The following TRIO variants were observed in gnomAD, a reference collection of about 807,000 sequenced individuals.
TRIO encodes the protein trio Rho guanine nucleotide exchange factor, also known as triple functional domain protein.
A neutral mutation model predicts 351.9 loss-of-function variants in TRIO; 58 were observed. The ratio of observed to expected loss-of-function variants is 0.16; its 90% confidence interval spans 0.13 to 0.21. The LOEUF (loss-of-function observed/expected upper bound fraction) is 0.21, where lower values mean the gene tolerates loss of function less well. TRIO is among the 10% of genes least tolerant of loss of function. TRIO has a pLI of 1.00. For missense variants in TRIO, 3,201 were observed against 4,027.8 expected (o/e 0.79, Z 5.56); for synonymous variants, 1,758 against 1,595.7 (o/e 1.10, Z -2.42).
chr5:14,153,681 C>G (rs1458321534), intron 1 of TRIO, among the ~76,000 whole-genome samples: 1 of 152,118 alleles, frequency 6.6e-6, no homozygotes, highest in Non-Finnish European at 1.5e-5. Context: ...CCTGCTTGCC[C>G]CATTTGACTC....
At chr5:14,288,488 G>A (rs1736631011) in intron 4 of TRIO, among the ~76,000 whole-genome samples, 1 of 152,096 alleles carries the variant, frequency 6.6e-6, no homozygotes, top group Non-Finnish European at 1.5e-5. Context: ...CTAACACGGT[G>A]AAACCCCATC....
intron 6 of TRIO, among the ~76,000 whole-genome samples, chr5:14,294,392 C>T (rs1040017082): frequency 5.3e-5 from 8 of 152,090 alleles, no homozygotes; most frequent in Non-Finnish European, 1.0e-4. Flanking sequence ...ATTTCTGGTT[C>T]GAATCGTCAA....
At chr5:14,425,113 C>T (rs974461865) in intron 34 of TRIO, among the ~76,000 whole-genome samples, 1 of 152,214 alleles carries the variant, frequency 6.6e-6, no homozygotes, top group Non-Finnish European at 1.5e-5. Flanking sequence ...GTCTACAGAT[C>T]AGTGGCATTA....
intron 9 of TRIO, among the ~76,000 whole-genome samples, chr5:14,317,750 G>A (rs1226680700): frequency 6.6e-6 from 1 of 152,018 alleles, no homozygotes; most frequent in African/African-American, 2.4e-5. Flanking sequence ...CCAGCACTTT[G>A]GGAGGCTGAG....
chr5:14,366,775 C>A, intron 15 of TRIO, 85 bp from the exon 16 acceptor site: 1 of 1,588,118 alleles, frequency 6.3e-7, no homozygotes, highest in South Asian at 1.2e-5. Context: ...ACTGGACTAT[C>A]TTGCACGCTT....
intron 1 of TRIO, among the ~76,000 whole-genome samples, chr5:14,182,246 C>G (rs891564898): frequency 3.9e-5 from 6 of 152,188 alleles, no homozygotes; most frequent in African/African-American, 1.4e-4. Context: ...CTGTGAGGCT[C>G]AGGGAGAGAG....
Position 14,369,477 on chromosome 5 carries a change from C to A in TRIO, c.3170C>A (p.Thr1057Lys). 5 of 1,614,070 alleles carry A rather than the reference C, an allele frequency of 3.1e-6. No individual in the cohort carries two copies. The highest frequency in any genetic ancestry group is 4.2e-6 in the Non-Finnish European group (5 of 1,180,012). ...CCAAACTCTGAGACGGACCACGTGACGCCCATGATCAGCAAGCACCTGGAG... is the reference window on the plus strand; with the variant it reads ...CCAAACTCTGAGACGGACCACGTGAAGCCCATGATCAGCAAGCACCTGGAG... ...LGPNSETDHV[T>K]PMISKHLEQK... Residue 1057 changes from threonine to lysine, a missense_variant, in exon 18 of 57, where the codon ACG (threonine) becomes AAG (lysine). Around this residue, in one of 19 missense-constraint regions of TRIO, gnomAD observed 363 missense variants for 553.5 expected, o/e 0.66. Transcript: ENST00000344204.
chr5:14,499,557 A>G (rs760822651), intron 53 of TRIO, among the ~76,000 whole-genome samples: 5 of 152,246 alleles, frequency 3.3e-5, no homozygotes, highest in Admixed American at 6.5e-5. Flanking sequence ...TTTGTCCCAG[A>G]TATCTTAATT....
chr5:14,225,139 C>G, intron 1 of TRIO, among the ~76,000 whole-genome samples: 1 of 152,036 alleles, frequency 6.6e-6, no homozygotes, highest in Non-Finnish European at 1.5e-5. Context: ...CGTAGAGAAT[C>G]AGTGTAGAGT....
At position 14,156,372 on chromosome 5, in the gene TRIO, C is replaced by T. The variant is rs188100673; in HGVS notation, c.157+12490C>T. 6.8e-3 allele frequency among the ~76,000 whole-genome samples: 1,034 copies of T among 152,244 alleles called. 6 individuals are homozygous for T. The highest frequency in any genetic ancestry group is 0.012 in the Non-Finnish European group (788 of 68,000). On this transcript the variant is annotated intron_variant, in intron 1 of 56. Coordinates refer to ENST00000344204, the MANE Select transcript of TRIO (RefSeq NM_007118.4). ...GCGTGCTCATTGCTACAGAGTTGTC[C>T]TTGCTTTTAGGGCCTCTCAGTAGAC...
chr5:14,184,848 C>T (rs571231944), intron 1 of TRIO, among the ~76,000 whole-genome samples: 25 of 152,232 alleles, frequency 1.6e-4, no homozygotes, highest in South Asian at 2.1e-4. Flanking sequence ...TCCCTCCTGG[C>T]GTCTGTACTC....
intron 34 of TRIO, among the ~76,000 whole-genome samples, chr5:14,451,330 C>CAA: frequency 7.1e-6 from 1 of 141,488 alleles, no homozygotes; most frequent in African/African-American, 2.6e-5. Flanking sequence ...TTTCTTTATT[C>CAA]AAAAAAAAAA....
intron 15 of TRIO, among the ~76,000 whole-genome samples, 187 bp from the exon 16 acceptor site, chr5:14,366,673 G>A (rs1744622525): frequency 6.6e-6 from 1 of 152,286 alleles, no homozygotes; most frequent in South Asian, 2.1e-4. Flanking sequence ...AAAAGATGCA[G>A]CACTTGCAGT....
intron 33 of TRIO, among the ~76,000 whole-genome samples, chr5:14,409,017 G>A (rs1437855090): frequency 6.6e-6 from 1 of 152,116 alleles, no homozygotes; most frequent in Non-Finnish European, 1.5e-5. Context: ...ATGGGTGCCT[G>A]GGAGTCTGGA....
chr5:14,339,934 G>A (rs1177985380), intron 11 of TRIO, among the ~76,000 whole-genome samples: 3 of 152,154 alleles, frequency 2.0e-5, no homozygotes, highest in Non-Finnish European at 4.4e-5. Context: ...AAAGCTAGAT[G>A]GGCCTAGAAG....
intron 1 of TRIO, among the ~76,000 whole-genome samples, chr5:14,161,235 C>T (rs956320101): frequency 2.0e-5 from 3 of 152,154 alleles, no homozygotes; most frequent in Non-Finnish European, 4.4e-5. Context: ...GCAGATCAGT[C>T]TGTCCTTTGT....
chr5:14,337,077 A>G (rs905420269), intron 11 of TRIO, among the ~76,000 whole-genome samples: 1 of 152,210 alleles, frequency 6.6e-6, no homozygotes, highest in Non-Finnish European at 1.5e-5. Flanking sequence ...CATGGCTGCC[A>G]ACATGATTGC....
intron 8 of TRIO, among the ~76,000 whole-genome samples, chr5:14,312,314 A>G (rs1739002168): frequency 1.3e-5 from 2 of 152,260 alleles, no homozygotes; most frequent in South Asian, 2.1e-4. Context: ...TACCTTTTAA[A>G]TATTAGGAAC....
Position 14,471,300 on chromosome 5 carries a change from T to C in TRIO, c.5764-18T>C, listed in dbSNP as rs1315702707. 1 of 1,612,808 alleles carries C rather than the reference T, an allele frequency of 6.2e-7. No homozygotes were observed. Among genetic ancestry groups the C allele is most frequent in the Admixed American group, 1.7e-5 (1 of 59,952 alleles). On this transcript the variant is annotated intron_variant, in intron 37 of 56. Transcript: ENST00000344204. ...GCTGTGGGCAGTAAGTGTTGTTGATTATGTCAATTTCTTCCAGGCACTGGA... is the reference window on the plus strand; with the variant it reads ...GCTGTGGGCAGTAAGTGTTGTTGATCATGTCAATTTCTTCCAGGCACTGGA...
Sources: gnomAD v4.1 joint callset for allele counts (sites outside exome capture counted in the v4.1 genomes callset) on GRCh38, gnomAD v4.1.1 for gene constraint, gnomAD v4.1.1 regional missense constraint, MANE v1.5 for transcripts, NCBI Gene and HGNC (gene_info 2026-07-23, HGNC 2026-07-21) for gene names.